TESK2: variants seen among roughly 807,000 people sequenced by gnomAD.
The protein encoded by TESK2 is dual specificity testis-specific protein kinase 2.
In TESK2, 39 loss-of-function variants were observed where a neutral mutation model predicts 57.1. That is an observed-to-expected ratio of 0.68 (90% confidence interval 0.53 to 0.89). The LOEUF (loss-of-function observed/expected upper bound fraction) is 0.89, where lower values mean the gene tolerates loss of function less well. Ranked by LOEUF, TESK2 falls within the 40% of genes least tolerant of loss-of-function variation. The pLI, the probability that TESK2 is intolerant of heterozygous loss-of-function variation, is 0.00. For synonymous variants in TESK2, 249 were observed against 267.9 expected (o/e 0.93, Z 0.69); for missense variants, 646 against 732.1 (o/e 0.88, Z 1.36).
chr1:45,383,793 A>G (rs529026296), intron 4 of TESK2, among the ~76,000 whole-genome samples: 2 of 152,320 alleles, frequency 1.3e-5, no homozygotes, highest in African/African-American at 4.8e-5. Flanking sequence ...TTATCTCTGA[A>G]GAATTTATAG....
Position 45,489,277 on chromosome 1 carries a change from G to C in TESK2, c.-87+1575C>G, listed in dbSNP as rs6685298. 1.7e-3 allele frequency among the ~76,000 whole-genome samples: 254 copies of C among 152,144 alleles called. 1 individual carries two copies. The highest frequency in any genetic ancestry group is 6.0e-3 in the African/African-American group (248 of 41,520). On this transcript the variant is annotated intron_variant, in intron 1 of 10. Coordinates refer to ENST00000372086, the MANE Select transcript of TESK2 (RefSeq NM_007170.3). ...GCTGTTATGTTCTAGTTCTTGTCCC[G>C]TTCCTTTAATCTCTCTTTTTCAGTG...
intron 2 of TESK2, among the ~76,000 whole-genome samples, chr1:45,427,938 C>T (rs1305457096): frequency 6.6e-6 from 1 of 152,088 alleles, no homozygotes; most frequent in Non-Finnish European, 1.5e-5. Context: ...ATGATAAATG[C>T]TTGAGGTGAT....
chr1:45,395,291 T>C (rs1034268221), intron 3 of TESK2, among the ~76,000 whole-genome samples: 1 of 152,200 alleles, frequency 6.6e-6, no homozygotes, highest in Non-Finnish European at 1.5e-5. Flanking sequence ...CCTCAGGCTA[T>C]ACGGTAGAGT....
intron 1 of TESK2, among the ~76,000 whole-genome samples, chr1:45,485,357 T>G (rs542168394): frequency 6.6e-6 from 1 of 151,774 alleles, no homozygotes; most frequent in East Asian, 2.0e-4. Context: ...CCTGCTAATT[T>G]TTTGTATTTT....
intron 3 of TESK2, among the ~76,000 whole-genome samples, chr1:45,394,774 T>A (rs562915629): frequency 7.5e-6 from 1 of 132,878 alleles, no homozygotes; most frequent in African/African-American, 2.8e-5. Context: ...TCACTGCACC[T>A]CTGCCTCCTG....
rs1227805747 is a variant in TESK2 at position 45,457,664 on chromosome 1, G to C, written c.122C>G (p.Ser41Cys). ...NVSQVGRVWPSSYRALISAFS... is the reference protein window; with the variant it reads ...NVSQVGRVWPCSYRALISAFS... Reference sequence around the variant, plus strand: ...GGCACTTATAAGAGCTCGATACGAAGATGGCCAAACTCTTCCCACCTGGCT... The same window carrying C: ...GGCACTTATAAGAGCTCGATACGAACATGGCCAAACTCTTCCCACCTGGCT... The change falls in exon 2 of 11, where the codon TCT becomes TGT. Residue 41 changes from serine (S) to cysteine (C), a missense_variant. Ser to Cys is a moderately radical substitution (Grantham distance 112). Coordinates refer to ENST00000372086, the MANE Select transcript of TESK2 (RefSeq NM_007170.3). 1.2e-6 allele frequency: 2 copies of C among 1,613,974 alleles called. No individual in the cohort carries two copies. The highest frequency in any genetic ancestry group is 3.3e-5 in the Admixed American group (2 of 59,988).
intron 1 of TESK2, among the ~76,000 whole-genome samples, chr1:45,479,610 TTATTC>T (rs1653130803): frequency 1.3e-5 from 2 of 151,846 alleles, no homozygotes; most frequent in East Asian, 3.9e-4. Flanking sequence ...AAAAATTATA[TTATTC>T]TATTTTATTT....
chr1:45,358,262 G>A (rs1376403562), intron 4 of TESK2, among the ~76,000 whole-genome samples: 2 of 151,184 alleles, frequency 1.3e-5, no homozygotes, highest in East Asian at 1.9e-4. Flanking sequence ...GCAGTGAGCC[G>A]AGACTGTACC....
intron 4 of TESK2, among the ~76,000 whole-genome samples, chr1:45,373,784 A>G (rs913411350): frequency 1.3e-5 from 2 of 152,234 alleles, no homozygotes; most frequent in African/African-American, 4.8e-5. Flanking sequence ...GACAGTGATT[A>G]TGTATCAGGC....
chr1:45,349,495 A>G (rs1331743825), intron 5 of TESK2, among the ~76,000 whole-genome samples: 3 of 152,222 alleles, frequency 2.0e-5, no homozygotes, highest in Non-Finnish European at 4.4e-5. Flanking sequence ...AGGCAGTGGC[A>G]GCTCAGATAT....
At chr1:45,392,494 G>C (rs991993953) in intron 3 of TESK2, among the ~76,000 whole-genome samples, 2 of 152,108 alleles carry the variant, frequency 1.3e-5, no homozygotes, top group African/African-American at 4.8e-5. Context: ...CCTCAGGTCG[G>C]GAGTTTGAGA....
Position 45,368,090 on chromosome 1 carries a change from G to GT in TESK2, c.394-12642dup, listed in dbSNP as rs1353726912. ...GCTCACTGCAACCTCCGCCTCCTGG[G>GT]TTCAAATGATTCTCCTGCCTCAGCC... On this transcript the variant is annotated intron_variant, in intron 4 of 10. Coordinates refer to ENST00000372086, the MANE Select transcript of TESK2 (RefSeq NM_007170.3). Among the ~76,000 whole-genome samples, 369 of 150,598 alleles carry GT rather than the reference G, an allele frequency of 2.5e-3. 1 individual carries two copies. The highest frequency in any genetic ancestry group is 8.7e-3 in the African/African-American group (355 of 41,000).
intron 1 of TESK2, among the ~76,000 whole-genome samples, chr1:45,475,366 C>A (rs934574323): frequency 2.0e-5 from 3 of 151,972 alleles, no homozygotes; most frequent in Admixed American, 6.6e-5. Flanking sequence ...GCCACCACGC[C>A]TGGCTAATTT....
intron 5 of TESK2, among the ~76,000 whole-genome samples, chr1:45,353,213 C>T (rs1306315312): frequency 6.6e-6 from 1 of 152,120 alleles, no homozygotes; most frequent in East Asian, 1.9e-4. Flanking sequence ...TTTTCTTAGT[C>T]TTGGTTTTCC....
chr1:45,384,605 T>TTTTTTTTTA, intron 4 of TESK2, among the ~76,000 whole-genome samples: 3 of 124,012 alleles, frequency 2.4e-5, no homozygotes, highest in East Asian at 2.2e-4. Context: ...TTTTTTTTTT[T>TTTTTTTTTA]TTTTTTTTTT....
intron 4 of TESK2, among the ~76,000 whole-genome samples, chr1:45,364,296 A>C (rs532070874): frequency 2.0e-4 from 31 of 152,352 alleles, no homozygotes; most frequent in African/African-American, 6.3e-4. Flanking sequence ...CCTTAATCCA[A>C]TACGACTGGA....
chr1:45,385,736 A>ATATATATATATAT (rs1557552020), intron 4 of TESK2, among the ~76,000 whole-genome samples, 176 bp downstream of exon 4: 5 of 149,208 alleles, frequency 3.4e-5, no homozygotes, highest in African/African-American at 1.2e-4. Context: ...ATATATATAT[A>ATATATATATATAT]AAGAAATACT....
At chr1:45,462,968 C>T (rs764610520) in intron 1 of TESK2, among the ~76,000 whole-genome samples, 3 of 152,186 alleles carry the variant, frequency 2.0e-5, no homozygotes, top group Admixed American at 6.5e-5. Flanking sequence ...TTTTGATGTG[C>T]ATTTCTCTGA....
chr1:45,472,948 T>G (rs1056060487), intron 1 of TESK2, among the ~76,000 whole-genome samples: 2 of 143,398 alleles, frequency 1.4e-5, no homozygotes, highest in African/African-American at 5.2e-5. Context: ...TCATCCTGGG[T>G]AATACGGTGA....
Sources: allele counts gnomAD v4.1 joint callset (sites outside exome capture counted in the v4.1 genomes callset), GRCh38; gene constraint gnomAD v4.1.1; transcripts MANE v1.5; gene names NCBI Gene and HGNC (gene_info 2026-07-23, HGNC 2026-07-21).